BUD13: variants seen among roughly 807,000 people sequenced by gnomAD.
BUD13 encodes BUD13 homolog.
In BUD13, 47 loss-of-function variants were observed where a neutral mutation model predicts 62.5. The observed-to-expected ratio is 0.75, with a 90% confidence interval of 0.60 to 0.96. The LOEUF (loss-of-function observed/expected upper bound fraction) is 0.96, where lower values mean the gene tolerates loss of function less well. BUD13 is among the 40% of genes least tolerant of loss of function. The pLI, the probability that BUD13 is intolerant of heterozygous loss-of-function variation, is 0.00. For synonymous variants in BUD13, 293 were observed against 280.1 expected (o/e 1.05, Z -0.46); for missense variants, 821 against 790.9 (o/e 1.04, Z -0.46).
At chr11:116,772,634 T>C (rs1260066244) in intron 1 of BUD13, among the ~76,000 whole-genome samples, 188 bp downstream of exon 1, 1 of 152,100 alleles carries the variant, frequency 6.6e-6, no homozygotes, top group African/African-American at 2.4e-5. Flanking sequence ...AGGCTCGAGA[T>C]GTAAGCGGGG....
At chr11:116,749,534 G>A (rs1358233846) in intron 9 of BUD13, among the ~76,000 whole-genome samples, 2 of 152,144 alleles carry the variant, frequency 1.3e-5, no homozygotes, top group Non-Finnish European at 2.9e-5. Context: ...AGAACAGAAT[G>A]AGCAACAAGA....
In BUD13 at chr11:116,763,166, C is replaced by T. The variant is rs745674051; in HGVS notation, c.423G>A (p.Arg141=). 7 of 1,602,626 alleles carry T rather than the reference C, an allele frequency of 4.4e-6. No homozygotes were observed. Among genetic ancestry groups the T allele is most frequent in the Non-Finnish European group, 4.3e-6 (5 of 1,173,256 alleles). Residue 141 remains arginine (R), a synonymous_variant, in exon 4 of 10, where the codon AGG becomes AGA. Coordinates refer to ENST00000260210, the MANE Select transcript of BUD13 (RefSeq NM_032725.4). ...VRHGTPDPSP[R]KDRHDTPDPS... ...GATCCGGGGTGTCATGACGGTCCTT[C>T]CTAGGAGATGGATCTGGGGTACCAT...
In BUD13 at chr11:116,760,847, G is replaced by C; in HGVS notation, c.1142C>G (p.Pro381Arg). Residue 381 changes from proline to arginine, a missense_variant, in exon 5 of 10, where the codon CCT becomes CGT. Physicochemically the swap from Pro to Arg is moderately radical, Grantham distance 103. Transcript: ENST00000260210. ...GTCAGAATCAGAGCTCCGGTGTCTA[G>C]GTCTATTCCGTGGAGGTGACAGATC... The part of the protein sequence containing the change: ...DSDLSPPRNR[P>R]RHRSSDSDLS... 2.5e-6 allele frequency: 4 copies of C among 1,614,114 alleles called. No individual in the cohort carries two copies. Among genetic ancestry groups the C allele is most frequent in the Non-Finnish European group, 2.5e-6 (3 of 1,180,002 alleles).
At position 116,763,285 on chromosome 11, in the gene BUD13, G is replaced by A. The variant is rs1349112044; in HGVS notation, c.323-19C>T. On this transcript the variant is annotated intron_variant, in intron 3 of 9. Transcript: ENST00000260210. ...TTGTGGCCTAAACACAAATAACAAA[G>A]AGTCAGATTCCCACAAATGCTCTGT... 2 of 1,520,468 alleles carry A rather than the reference G, an allele frequency of 1.3e-6. No individual in the cohort carries two copies. Among genetic ancestry groups the A allele is most frequent in the East Asian group, 4.5e-5 (2 of 44,092 alleles). 94.2% of individuals were successfully genotyped at this position (1,520,468 alleles called of 1,614,324 possible).
At chr11:116,765,219 C>T in intron 3 of BUD13, 143 bp downstream of exon 3, 1 of 801,760 alleles carries the variant, frequency 1.2e-6, no homozygotes, top group South Asian at 1.8e-5. Context: ...CTGAAGAAGT[C>T]CAACTTCCTT....
chr11:116,763,027 A>C lies in BUD13; in HGVS notation c.562T>G (p.Ser188Ala). 1.2e-6 allele frequency: 2 copies of C among 1,611,734 alleles called. No individual in the cohort carries two copies. Among genetic ancestry groups the C allele is most frequent in the Non-Finnish European group, 1.7e-6 (2 of 1,179,362 alleles). The change falls in exon 4 of 10, where the codon TCA becomes GCA. Residue 188 changes from serine (S) to alanine (A), a missense_variant. By Grantham distance (99) the Ser-to-Ala change is moderately conservative. Around this residue, in one of 2 missense-constraint regions of BUD13, gnomAD observed 800 missense variants for 739.2 expected, o/e 1.08. Coordinates refer to ENST00000260210, the MANE Select transcript of BUD13 (RefSeq NM_032725.4). ...RRIRHDSSDT[S>A]PPRRARHDSP... Reference sequence around the variant, plus strand: ...TCATGACGGGCCCTCCTTGGGGGTGAAGTGTCTGAGGAGTCATGACGGATC... The same window carrying C: ...TCATGACGGGCCCTCCTTGGGGGTGCAGTGTCTGAGGAGTCATGACGGATC...
intron 4 of BUD13, among the ~76,000 whole-genome samples, chr11:116,762,156 T>C (rs1940441682): frequency 6.6e-6 from 1 of 152,180 alleles, no homozygotes; most frequent in African/African-American, 2.4e-5. Flanking sequence ...CAGGCAAGAT[T>C]GCACATGCAA....
At chr11:116,765,285 C>G in intron 3 of BUD13, 77 bp downstream of exon 3, 1 of 1,471,822 alleles carries the variant, frequency 6.8e-7, no homozygotes, top group Non-Finnish European at 9.4e-7. Context: ...ATGCATTCCT[C>G]TAAAGAAAAG....
In BUD13 at chr11:116,770,233, A is replaced by T. The variant is rs186120530; in HGVS notation, c.144-11T>A. The T allele has an allele frequency of 1.0e-5, 16 of 1,598,610 alleles. No homozygotes were observed. The African/African-American group carries it at 2.0e-4, about 20-fold the overall frequency. On this transcript the variant is annotated splice_polypyrimidine_tract_variant and intron_variant, in intron 1 of 9. Transcript: ENST00000260210. ...TCCACAATCCGCATTCTAAATGAGA[A>T]TAAGAAGATCAAAAAGAGTCATTCT...
rs1202487903 is a variant in BUD13 at position 116,760,856 on chromosome 11, C to T, written c.1133G>A (p.Arg378Gln). Residue 378 changes from arginine to glutamine, a missense_variant, in exon 5 of 10, where the codon CGG becomes CAG. Physicochemically the swap from Arg to Gln is conservative, Grantham distance 43. This residue lies in a region of BUD13 where 800 missense variants were observed against 739.2 expected (regional missense o/e 1.08). Coordinates refer to ENST00000260210, the MANE Select transcript of BUD13 (RefSeq NM_032725.4). ...AGAGCTCCGGTGTCTAGGTCTATTC[C>T]GTGGAGGTGACAGATCTGAATCAGA... is the stretch of plus-strand genomic sequence containing the variant. The part of the protein sequence containing the change: ...QDSDSDLSPP[R>Q]NRPRHRSSDS... 10 of 1,614,042 alleles carry T rather than the reference C, an allele frequency of 6.2e-6. No individual in the cohort carries two copies. Among genetic ancestry groups the T allele is most frequent in the East Asian group, 4.5e-5 (2 of 44,872 alleles).
At chr11:116,751,089 A>G (rs1044606247) in intron 9 of BUD13, among the ~76,000 whole-genome samples, 1 of 152,150 alleles carries the variant, frequency 6.6e-6, no homozygotes, top group Non-Finnish European at 1.5e-5. Context: ...ACATCCTCCT[A>G]AGGCTCAACT....
At chr11:116,748,792 C>G (rs1328043284) in intron 9 of BUD13, among the ~76,000 whole-genome samples, 1 of 151,984 alleles carries the variant, frequency 6.6e-6, no homozygotes, top group East Asian at 1.9e-4. Flanking sequence ...TCAAGACCAG[C>G]CTGCCTAATA....
Position 116,772,957 on chromosome 11 carries a change from G to A in BUD13, c.8C>T (p.Ala3Val), listed in dbSNP as rs754282240. 7.7e-6 allele frequency: 12 copies of A among 1,555,428 alleles called. 1 individual carries two copies. In the Middle Eastern group the frequency reaches 5.1e-4, roughly 66 times the overall value. Residue 3 changes from alanine (A) to valine (V), a missense_variant, in exon 1 of 10, where the codon GCA (alanine) becomes GTA (valine). Around this residue, in one of 2 missense-constraint regions of BUD13, gnomAD observed 800 missense variants for 739.2 expected, o/e 1.08. Transcript: ENST00000260210. ...CTCGGCCTTGGAAAGCGGCGGAGCT[G>A]CCGCCATGGCAGCGGCGGGGGCAGA... MA[A>V]APPLSKAEYL...
intron 2 of BUD13, among the ~76,000 whole-genome samples, chr11:116,765,808 C>A (rs1235748674): frequency 3.3e-5 from 5 of 152,148 alleles, no homozygotes; most frequent in African/African-American, 1.2e-4. Flanking sequence ...ATAGGTGGCT[C>A]CCCCCATCAT....
chr11:116,749,439 G>C (rs1940195983), intron 9 of BUD13, among the ~76,000 whole-genome samples: 1 of 152,158 alleles, frequency 6.6e-6, no homozygotes, highest in South Asian at 2.1e-4. Context: ...GTGACATGAG[G>C]GTTGGGCAAG....
rs1940368678 is a variant in BUD13, at chr11:116,758,335, A to G, written c.1433T>C (p.Leu478Ser). 3.7e-6 allele frequency: 6 copies of G among 1,614,136 alleles called. No homozygotes were observed. Among genetic ancestry groups the G allele is most frequent in the African/African-American group, 1.3e-5 (1 of 75,028 alleles). ...GRKRNLKLER[L>S]EQRRKAEKDS... Reference sequence around the variant, plus strand: ...CTTTTCTGCTTTCCTCCTTTGCTCTAAACGTTCGAGTTTCAAATTCCTCTT... The same window carrying G: ...CTTTTCTGCTTTCCTCCTTTGCTCTGAACGTTCGAGTTTCAAATTCCTCTT... Residue 478 changes from leucine to serine, a missense_variant, in exon 7 of 10, where the codon TTA (leucine) becomes TCA (serine). Transcript: ENST00000260210.
At chr11:116,766,545 T>C (rs12276314) in intron 2 of BUD13, among the ~76,000 whole-genome samples, 92 of 152,372 alleles carry the variant, frequency 6.0e-4, no homozygotes, top group African/African-American at 2.1e-3. Context: ...GCTCGGCCAC[T>C]TAGCATTTGT....
chr11:116,752,456 A>C (rs1940252814), intron 9 of BUD13, among the ~76,000 whole-genome samples: 1 of 152,034 alleles, frequency 6.6e-6, no homozygotes, highest in Non-Finnish European at 1.5e-5. Flanking sequence ...CAAGAAGTGG[A>C]AAAAAGCAAC....
In BUD13 at chr11:116,754,096, A is replaced by AG. The variant is rs747766344; in HGVS notation, c.1766+3049dup. ...GGTCTCACTCTGTCATCCAGGCTGG[A>AG]GTGCAGTGGTGCAATCACAGCACAT... On this transcript the variant is annotated intron_variant, in intron 9 of 9. Coordinates refer to ENST00000260210, the MANE Select transcript of BUD13 (RefSeq NM_032725.4). Among the ~76,000 whole-genome samples, 399 of 152,216 alleles carry AG rather than the reference A, an allele frequency of 2.6e-3. 3 individuals carry two copies. Among genetic ancestry groups the AG allele is most frequent in the Non-Finnish European group, 2.7e-3 (185 of 68,044 alleles).
Sources: allele counts gnomAD v4.1 joint callset (sites outside exome capture counted in the v4.1 genomes callset), GRCh38; gene constraint gnomAD v4.1.1; regional missense constraint gnomAD v4.1.1; transcripts MANE v1.5; gene names NCBI Gene and HGNC (gene_info 2026-07-23, HGNC 2026-07-21).